The following CRACDL variants were observed in gnomAD, a reference collection of about 807,000 sequenced individuals.
CRACDL encodes CRACD like.
Under a neutral mutation model 70.6 loss-of-function variants are expected in CRACDL, and 26 were observed. The ratio of observed to expected loss-of-function variants is 0.37; its 90% CI spans 0.27 to 0.51. The LOEUF is 0.51. Among genes scored for constraint, CRACDL ranks in the 20% least tolerant of loss-of-function variants. The probability of loss-of-function intolerance (pLI) is 0.94; values close to 1 mark genes in which losing one functional copy is unlikely to be tolerated. For synonymous variants in CRACDL, 618 were observed against 615.2 expected, an observed-to-expected ratio of 1.00 and a Z score of -0.07; for missense variants, 1,283 against 1,376.9, an observed-to-expected ratio of 0.93 and a Z score of 1.08.
chr2:98,876,109 T>C (rs1707482923), intron 1 of CRACDL, among the ~76,000 whole-genome samples: 4 of 152,170 alleles, frequency 2.6e-5, no homozygotes, highest in Admixed American at 1.3e-4. Flanking sequence ...CATTCAGGTT[T>C]AGAGTTGGAG....
chr2:98,872,406 C>T (rs1351016838), intron 1 of CRACDL, among the ~76,000 whole-genome samples: 1 of 151,990 alleles, frequency 6.6e-6, no homozygotes, highest in African/African-American at 2.4e-5. Context: ...GGGAGCTAAA[C>T]AAGGAGTACA....
At chr2:98,916,631 T>C (rs1199423127) in intron 1 of CRACDL, among the ~76,000 whole-genome samples, 3 of 152,122 alleles carry the variant, frequency 2.0e-5, no homozygotes, top group African/African-American at 2.4e-5. Flanking sequence ...CTCCCACACA[T>C]AAATATCATT....
At chr2:98,875,987 G>A (rs1286796802) in intron 1 of CRACDL, among the ~76,000 whole-genome samples, 3 of 152,160 alleles carry the variant, frequency 2.0e-5, no homozygotes, top group Non-Finnish European at 4.4e-5. Context: ...TCAGCTCTCA[G>A]GTTTTCCATC....
Position 98,821,990 on chromosome 2 carries a change from G to T in CRACDL, c.2283C>A (p.Pro761=), listed in dbSNP as rs1293656018. Residue 761 remains proline (P), a synonymous_variant, in exon 7 of 10, where the codon CCC becomes CCA. Transcript: ENST00000397899. ...RPPEPLSSKP[P]LPRKPLLQSF... ...TCTGCAGAAGCGGCTTCCGGGGCAG[G>T]GGCGGCTTGGAGCTGAGCGGCTCGG... 5 of 1,530,428 alleles carry T rather than the reference G, an allele frequency of 3.3e-6. No homozygotes were observed. Among genetic ancestry groups the T allele is most frequent in the Admixed American group, 2.1e-5 (1 of 47,034 alleles). The allele number at this position is 1,530,428 out of a possible 1,614,324, so 94.8% of individuals were successfully genotyped here. A position where few individuals can be genotyped will look rare whatever the true frequency, so the allele number is the denominator to read the frequency against.
intron 1 of CRACDL, among the ~76,000 whole-genome samples, chr2:98,904,184 C>T (rs1000353944): frequency 6.6e-6 from 1 of 152,174 alleles, no homozygotes; most frequent in African/African-American, 2.4e-5. Context: ...ATCGAGGGGC[C>T]CACTTTCCAC....
At chr2:98,859,073 A>T (rs1706829574) in intron 1 of CRACDL, among the ~76,000 whole-genome samples, 1 of 152,128 alleles carries the variant, frequency 6.6e-6, no homozygotes, top group African/African-American at 2.4e-5. Flanking sequence ...ATTAACAGAA[A>T]CCTTTCCCTT....
chr2:98,853,661 A>G (rs2104554178), intron 1 of CRACDL, among the ~76,000 whole-genome samples: 1 of 152,298 alleles, frequency 6.6e-6, no homozygotes, highest in Non-Finnish European at 1.5e-5. Context: ...AATTTATTTA[A>G]ATGCATATAA....
rs147146344 is a variant in CRACDL at position 98,838,407 on chromosome 2, G to C, written c.71-120C>G. On this transcript the variant is annotated intron_variant, in intron 2 of 9. Transcript: ENST00000397899. The stretch of plus-strand genomic sequence containing the variant: ...ATTTCCATCCATGCATCAGTTATCT[G>C]CTTCTGAAAAGTCCTTTTACTTCGC... 917 of 568,076 alleles carry C rather than the reference G, an allele frequency of 1.6e-3. 1 individual carries two copies. Among genetic ancestry groups the C allele is most frequent in the Non-Finnish European group, 2.2e-3 (746 of 337,994 alleles). The allele number at this position is 568,076 out of a possible 1,614,324, so 35.2% of individuals were successfully genotyped here.
chr2:98,801,848 T>G (rs1172169769), intron 7 of CRACDL, among the ~76,000 whole-genome samples: 3 of 152,262 alleles, frequency 2.0e-5, no homozygotes, highest in Admixed American at 1.3e-4. Context: ...CCACAATTGC[T>G]GCTGTTGTTA....
Position 98,823,505 on chromosome 2 carries a change from C to G in CRACDL, c.768G>C (p.Thr256=). Residue 256 remains threonine, a synonymous_variant, in exon 7 of 10, where the codon ACG becomes ACC. Coordinates refer to ENST00000397899, the MANE Select transcript of CRACDL (RefSeq NM_207362.3). The surrounding 1 kb of genome is among the most constrained non-coding windows in gnomAD (Gnocchi z 4.0). ...CGTTTTCCTCCTCCTCTGGGGTGCA[C>G]GTCAGGTCGCTCAGGGATTCAGACT... The part of the protein sequence containing the change: ...RAQSESLSDL[T]CTPEEEENEE... The G allele has an allele frequency of 6.3e-7, 1 of 1,591,958 alleles. No homozygotes were observed. Among genetic ancestry groups the G allele is most frequent in the Non-Finnish European group, 8.5e-7 (1 of 1,176,746 alleles).
At position 98,823,667 on chromosome 2, in the gene CRACDL, A is replaced by T; in HGVS notation, c.736-130T>A. ...CTATAAAGCTGGCACTTAAGTAGGC[A>T]TGTACCCACGGGTGTCTTTTCTCAG... is the stretch of plus-strand genomic sequence containing the variant. On this transcript the variant is annotated intron_variant, in intron 6 of 9. Transcript: ENST00000397899. This position sits in a 1 kb window ranked among gnomAD's most constrained non-coding sequence, Gnocchi z 4.0. 8.7e-7 allele frequency: 1 copy of T among 1,148,008 alleles called. No homozygotes were observed. The highest frequency in any genetic ancestry group is 1.3e-5 in the South Asian group (1 of 74,284). The allele number at this position is 1,148,008 out of a possible 1,614,324, so 71.1% of individuals were successfully genotyped here.
At chr2:98,865,142 C>G (rs1177979990) in intron 1 of CRACDL, among the ~76,000 whole-genome samples, 1 of 152,092 alleles carries the variant, frequency 6.6e-6, no homozygotes, top group South Asian at 2.1e-4. Context: ...GAATGCGTGC[C>G]TCAGCCCTGC....
chr2:98,836,882 AC>A (rs1705808697), intron 3 of CRACDL, among the ~76,000 whole-genome samples: 3 of 152,144 alleles, frequency 2.0e-5, no homozygotes. Context: ...GGAAATCGAG[AC>A]CATCCTGGCT....
intron 7 of CRACDL, among the ~76,000 whole-genome samples, chr2:98,808,939 C>A (rs750809784): frequency 3.8e-4 from 58 of 152,270 alleles, no homozygotes; most frequent in Middle Eastern, 6.8e-3. Context: ...GTGCAGGAAC[C>A]AGAGCACTGC....
chr2:98,850,728 C>G (rs1009162768), intron 1 of CRACDL, among the ~76,000 whole-genome samples: 7 of 152,204 alleles, frequency 4.6e-5, no homozygotes, highest in African/African-American at 1.7e-4. Flanking sequence ...CTGCGGGGCA[C>G]AGCACTTTGT....
At chr2:98,900,727 C>T (rs1304938651) in intron 1 of CRACDL, among the ~76,000 whole-genome samples, 1 of 152,062 alleles carries the variant, frequency 6.6e-6, no homozygotes, top group East Asian at 1.9e-4. Flanking sequence ...GAAAGGCAGG[C>T]CTCTCAAGAA....
At chr2:98,832,552 A>G (rs1353218302) in intron 4 of CRACDL, 40 bp from the exon 5 acceptor site, 5 of 1,499,728 alleles carry the variant, frequency 3.3e-6, no homozygotes, top group African/African-American at 1.4e-5. Flanking sequence ...ATTTTCATCA[A>G]TGATATTTAT....
intron 7 of CRACDL, among the ~76,000 whole-genome samples, chr2:98,815,740 G>A (rs1183538550): frequency 3.9e-5 from 6 of 152,170 alleles, no homozygotes; most frequent in Admixed American, 6.5e-5. Context: ...CTAAAGGACC[G>A]TTGCCCTGCA....
At chr2:98,847,675 C>A (rs1481603928) in intron 1 of CRACDL, among the ~76,000 whole-genome samples, 1 of 152,160 alleles carries the variant, frequency 6.6e-6, no homozygotes, top group East Asian at 1.9e-4. Context: ...GGTGTCCATG[C>A]CTTCCATAAC....
Sources: gnomAD v4.1 joint callset for allele counts (sites outside exome capture counted in the v4.1 genomes callset) on GRCh38, gnomAD v4.1.1 for gene constraint, Gnocchi (gnomAD v3.1) non-coding constraint, MANE v1.5 for transcripts, NCBI Gene and HGNC (gene_info 2026-07-23, HGNC 2026-07-21) for gene names.